Variants in DSCAML1 observed in about 807,000 individuals in gnomAD.
DSCAML1 encodes DS cell adhesion molecule like 1.
DSCAML1 carries 38 observed loss-of-function variants against 200.5 expected under a neutral mutation model. The observed-to-expected ratio is 0.19, with a 90% CI of 0.15 to 0.25. The LOEUF (loss-of-function observed/expected upper bound fraction) is 0.25, where lower values mean the gene tolerates loss of function less well. DSCAML1 is among the 10% of genes least tolerant of loss of function. DSCAML1 has a pLI of 1.00. For missense variants in DSCAML1, 2,223 were observed against 2,858.8 expected (o/e 0.78, Z 5.07); for synonymous variants, 1,215 against 1,165.0 (o/e 1.04, Z -0.87).
chr11:117,718,377 T>C (rs1182053888), intron 3 of DSCAML1, among the ~76,000 whole-genome samples: 1 of 152,192 alleles, frequency 6.6e-6, no homozygotes, highest in Non-Finnish European at 1.5e-5. Context: ...TGAAAGGGGT[T>C]ATGGGTGATG....
intron 3 of DSCAML1, among the ~76,000 whole-genome samples, chr11:117,562,946 A>G (rs1565790905): frequency 6.6e-6 from 1 of 152,106 alleles, no homozygotes; most frequent in Non-Finnish European, 1.5e-5. Flanking sequence ...TTTTATAAGG[A>G]TGTTGGAAGG....
intron 3 of DSCAML1, among the ~76,000 whole-genome samples, chr11:117,536,709 G>A (rs2050177561): frequency 6.6e-6 from 1 of 152,174 alleles, no homozygotes; most frequent in Non-Finnish European, 1.5e-5. Context: ...AATGCTGACT[G>A]TGCCCTTGAC....
intron 3 of DSCAML1, among the ~76,000 whole-genome samples, chr11:117,541,205 C>G (rs1565776451): frequency 6.6e-6 from 1 of 152,220 alleles, no homozygotes; most frequent in Non-Finnish European, 1.5e-5. Flanking sequence ...TCATTCAGGT[C>G]TCTGCTTAGT....
At chr11:117,466,475 T>C (rs1454542048) in intron 16 of DSCAML1, among the ~76,000 whole-genome samples, 6 of 152,028 alleles carry the variant, frequency 3.9e-5, no homozygotes, top group Non-Finnish European at 7.4e-5. Flanking sequence ...CTGAGGTGGG[T>C]GGATCAGTTG....
At chr11:117,726,268 T>TGTGC (rs894849239) in intron 3 of DSCAML1, among the ~76,000 whole-genome samples, 4 of 141,732 alleles carry the variant, frequency 2.8e-5, no homozygotes, top group African/African-American at 5.4e-5. Flanking sequence ...TGTGTGTGCG[T>TGTGC]GTGTGTGTGT....
At chr11:117,436,903 A>G (rs1056794762) in intron 26 of DSCAML1, among the ~76,000 whole-genome samples, 2 of 152,110 alleles carry the variant, frequency 1.3e-5, no homozygotes, top group African/African-American at 4.8e-5. Flanking sequence ...GTGTCTGTCC[A>G]TCTGTAGTGG....
intron 3 of DSCAML1, among the ~76,000 whole-genome samples, chr11:117,555,778 G>GGGCTTTCAA (rs2050548424): frequency 6.6e-6 from 1 of 152,088 alleles, no homozygotes; most frequent in Admixed American, 6.5e-5. Context: ...AGGGCTTTCA[G>GGGCTTTCAA]CAGAGGGAGA....
At chr11:117,810,087 A>G (rs1223201296) in intron 1 of DSCAML1, among the ~76,000 whole-genome samples, 1 of 152,108 alleles carries the variant, frequency 6.6e-6, no homozygotes, top group Non-Finnish European at 1.5e-5. Flanking sequence ...ATTCGCACAC[A>G]CATACACACA....
chr11:117,700,851 C>T (rs762939917), intron 3 of DSCAML1, among the ~76,000 whole-genome samples: 2 of 152,230 alleles, frequency 1.3e-5, no homozygotes, highest in Admixed American at 6.5e-5. Flanking sequence ...TGCTGCAAGC[C>T]ACAGGACCAC....
rs2050100698 is a variant in DSCAML1 at position 117,532,466 on chromosome 11, C to T, written c.568G>A (p.Glu190Lys). The T allele has an allele frequency of 6.2e-7, 1 of 1,614,210 alleles. No homozygotes were observed. Residue 190 changes from glutamate to lysine, a missense_variant, in exon 4 of 33, where the codon GAG becomes AAG. Around this residue, in one of 7 missense-constraint regions of DSCAML1, gnomAD observed 579 missense variants for 721.5 expected, o/e 0.80. Coordinates refer to ENST00000651296, the MANE Select transcript of DSCAML1 (RefSeq NM_020693.4). ...GGLYISDVQK[E>K]DALSTYRCIT... ...CAGCGATAGGTGGAGAGGGCGTCCT[C>T]CTTCTGTACGTCAGAGATGTACAGC...
intron 11 of DSCAML1, among the ~76,000 whole-genome samples, chr11:117,492,463 C>G (rs2049201434): frequency 6.6e-6 from 1 of 152,198 alleles, no homozygotes; most frequent in Non-Finnish European, 1.5e-5. Context: ...CTCTCAAGGG[C>G]TCTGTGAACC....
At chr11:117,802,405 C>A (rs1271194277) in intron 1 of DSCAML1, among the ~76,000 whole-genome samples, 1 of 152,184 alleles carries the variant, frequency 6.6e-6, no homozygotes, top group Non-Finnish European at 1.5e-5. Flanking sequence ...TGGGCTCCGA[C>A]CCTTTCGATT....
chr11:117,530,207 C>T (rs2050048845), intron 4 of DSCAML1, among the ~76,000 whole-genome samples: 1 of 152,146 alleles, frequency 6.6e-6, no homozygotes, highest in African/African-American at 2.4e-5. Flanking sequence ...GGAAGAAGGG[C>T]TGGCATGGCC....
At position 117,433,203 on chromosome 11, in the gene DSCAML1, C is replaced by T. The variant is rs528144133; in HGVS notation, c.4961G>A (p.Arg1654Gln). 126 of 1,613,990 alleles carry T rather than the reference C, an allele frequency of 7.8e-5. No individual in the cohort carries two copies. The highest frequency in any genetic ancestry group is 6.6e-4 in the Middle Eastern group (4 of 6,062). ...GACCCTGGGGATGTCAATGTGTAGC[C>T]GTGGGCCCTGGGGTGGCCCTTTCAC... ...TPVKGPPQGP[R>Q]LHIDIPRVQL... Residue 1654 changes from arginine (R) to glutamine (Q), a missense_variant, in exon 29 of 33, where the codon CGG (arginine) becomes CAG (glutamine). Transcript: ENST00000651296.
intron 3 of DSCAML1, among the ~76,000 whole-genome samples, chr11:117,543,671 G>A (rs543000439): frequency 8.5e-5 from 13 of 152,268 alleles, no homozygotes; most frequent in South Asian, 2.1e-4. Flanking sequence ...CTTTCTGGGC[G>A]TTTGCTCACC....
chr11:117,473,727 G>T (rs2048732406), intron 14 of DSCAML1, among the ~76,000 whole-genome samples: 1 of 152,208 alleles, frequency 6.6e-6, no homozygotes. Context: ...ACGAGCCAGA[G>T]AAACAAAATG....
chr11:117,815,880 C>T (rs76376818), intron 1 of DSCAML1, among the ~76,000 whole-genome samples: 2,036 of 151,526 alleles, frequency 0.013, 57 homozygotes, highest in East Asian at 0.096. Context: ...CTGAGCTTGC[C>T]TTCACATCTG....
At chr11:117,448,975 C>T (rs1777628976) in intron 20 of DSCAML1, among the ~76,000 whole-genome samples, 1 of 152,230 alleles carries the variant, frequency 6.6e-6, no homozygotes, top group Non-Finnish European at 1.5e-5. Flanking sequence ...TCAATGGATA[C>T]TAACGGCTAG....
chr11:117,613,673 C>T (rs2051746681), intron 3 of DSCAML1, among the ~76,000 whole-genome samples: 3 of 152,196 alleles, frequency 2.0e-5, no homozygotes, highest in Admixed American at 6.5e-5. Flanking sequence ...GGAGACTTTA[C>T]CGCGTTAGGC....
Sources: gnomAD v4.1 joint callset for allele counts (sites outside exome capture counted in the v4.1 genomes callset) on GRCh38, gnomAD v4.1.1 for gene constraint, gnomAD v4.1.1 regional missense constraint, MANE v1.5 for transcripts, NCBI Gene and HGNC (gene_info 2026-07-23, HGNC 2026-07-21) for gene names.